Variants in CSMD1 observed in about 807,000 individuals in gnomAD.
The protein encoded by CSMD1 is CUB and sushi domain-containing protein 1.
In CSMD1, 213 loss-of-function variants were observed where a neutral mutation model predicts 417.5. The ratio of observed to expected loss-of-function variants is 0.51; its 90% CI spans 0.46 to 0.57. The LOEUF (loss-of-function observed/expected upper bound fraction) is 0.57, where lower values mean the gene tolerates loss of function less well. Ranked by LOEUF, CSMD1 falls within the 20% of genes least tolerant of loss-of-function variation. CSMD1 has a pLI of 0.00. For missense variants in CSMD1, 6,923 were observed against 4,529.7 expected (o/e 1.53, Z -15.17); for synonymous variants, 2,862 against 1,736.8 (o/e 1.65, Z -16.11).
chr8:3,301,552 G>C lies in CSMD1; in HGVS notation c.3950+6143C>G, dbSNP rs183507015. Among the ~76,000 whole-genome samples the C allele has an allele frequency of 6.6e-5, 10 of 152,264 alleles. No homozygotes were observed. The East Asian group carries it at 1.4e-3, about 21-fold the overall frequency. ...ATTTTTGCTGAGCCCTAAGAGATGG[G>C]AAGAAACTGGAGGTGAGTCAATGAG... On this transcript the variant is annotated intron_variant, in intron 25 of 69. Coordinates refer to ENST00000635120, the MANE Select transcript of CSMD1 (RefSeq NM_033225.6).
At chr8:3,949,844 G>A (rs1441872204) in intron 5 of CSMD1, 4 of 450,864 alleles carry the variant, frequency 8.9e-6, no homozygotes, top group Non-Finnish European at 1.8e-5. Context: ...ATTGATTGAG[G>A]GGATCCCTGG....
chr8:3,978,929 T>C (rs1813645005), intron 5 of CSMD1, among the ~76,000 whole-genome samples: 1 of 152,190 alleles, frequency 6.6e-6, no homozygotes, highest in Non-Finnish European at 1.5e-5. Flanking sequence ...CTAATGTGCA[T>C]TTCATTGCCA....
chr8:4,883,460 T>C (rs186661079), intron 1 of CSMD1, among the ~76,000 whole-genome samples: 37 of 152,214 alleles, frequency 2.4e-4, no homozygotes, highest in Middle Eastern at 3.4e-3. Flanking sequence ...CAAAAAGAAA[T>C]ACCCATGACC....
rs139412337 is a variant in CSMD1, at chr8:3,575,297, C to G, written c.1223-231G>C. ...TGTTACGCTGGGACACTTCATTTTT[C>G]CCAAAGGCCTATCCACTCACCAAAG... On this transcript the variant is annotated intron_variant, in intron 9 of 69. Coordinates refer to ENST00000635120, the MANE Select transcript of CSMD1 (RefSeq NM_033225.6). 1.5e-4 allele frequency among the ~76,000 whole-genome samples: 23 copies of G among 152,192 alleles called. No individual in the cohort carries two copies. In the East Asian group the frequency reaches 4.4e-3, roughly 29 times the overall value.
chr8:4,476,305 C>T (rs751355724), intron 2 of CSMD1, among the ~76,000 whole-genome samples: 1 of 152,032 alleles, frequency 6.6e-6, no homozygotes, highest in South Asian at 2.1e-4. Context: ...TGTATCTATT[C>T]TAACACGAAA....
rs1365196484 is a variant in CSMD1, at chr8:3,086,764, TTAA to T, written c.7474+330_7474+332del. Among the ~76,000 whole-genome samples the T allele has an allele frequency of 1.1e-4, 17 of 152,294 alleles. 1 individual carries two copies. Among genetic ancestry groups the T allele is most frequent in the Admixed American group, 7.8e-4 (12 of 15,290 alleles). On this transcript the variant is annotated intron_variant, in intron 49 of 69. Coordinates refer to ENST00000635120, the MANE Select transcript of CSMD1 (RefSeq NM_033225.6). ...ATAAAGAAAATGAGTTTTCCAGAAA[TTAA>T]TGTTTTTAAATTAATACAATGGTAA... is the stretch of plus-strand genomic sequence containing the variant.
At chr8:3,034,076 C>T (rs1452910991) in intron 50 of CSMD1, among the ~76,000 whole-genome samples, 1 of 152,230 alleles carries the variant, frequency 6.6e-6, no homozygotes, top group East Asian at 1.9e-4. Context: ...GCCCACATTG[C>T]TGGGTGGAGC....
chr8:4,904,969 A>T (rs77507803), intron 1 of CSMD1, among the ~76,000 whole-genome samples: 1,576 of 152,286 alleles, frequency 0.01, 21 homozygotes, highest in African/African-American at 0.035. Context: ...CGCCGCTTCA[A>T]CCAACATAGT....
In CSMD1 at chr8:3,289,570, T is replaced by C. The variant is rs1470406093; in HGVS notation, c.3951-5224A>G. 8.9e-5 allele frequency among the ~76,000 whole-genome samples: 9 copies of C among 101,322 alleles called. 1 individual carries two copies. The highest frequency in any genetic ancestry group is 1.3e-4 in the African/African-American group (4 of 29,964). 66.5% of individuals were successfully genotyped at this position (101,322 alleles called of 152,430 possible). A position where few individuals can be genotyped will look rare whatever the true frequency, so the allele number is the denominator to read the frequency against. On this transcript the variant is annotated intron_variant, in intron 25 of 69. Coordinates refer to ENST00000635120, the MANE Select transcript of CSMD1 (RefSeq NM_033225.6). ...GTGGTTTTGATTTGCATTTCTCTGATGGCCGGTGATGATGAGCATTTTTTC... is the reference window on the plus strand; with the variant it reads ...GTGGTTTTGATTTGCATTTCTCTGACGGCCGGTGATGATGAGCATTTTTTC...
chr8:3,538,210 C>G (rs983247456), intron 10 of CSMD1, among the ~76,000 whole-genome samples: 1 of 152,222 alleles, frequency 6.6e-6, no homozygotes, highest in Non-Finnish European at 1.5e-5. Context: ...CCCACTAGCA[C>G]CATCAGCTGG....
chr8:4,637,596 T>A, intron 1 of CSMD1, 38 bp from the exon 2 acceptor site: 1 of 1,331,270 alleles, frequency 7.5e-7, no homozygotes, highest in Non-Finnish European at 1.1e-6. Flanking sequence ...CATATTATTC[T>A]GGCCATCTTT....
chr8:4,293,468 T>C (rs1797488063), intron 3 of CSMD1, among the ~76,000 whole-genome samples: 1 of 152,248 alleles, frequency 6.6e-6, no homozygotes, highest in African/African-American at 2.4e-5. Context: ...TGAAAATTAT[T>C]ATTTATATAT....
At chr8:4,459,515 T>G (rs997420843) in intron 2 of CSMD1, among the ~76,000 whole-genome samples, 1 of 152,134 alleles carries the variant, frequency 6.6e-6, no homozygotes, top group African/African-American at 2.4e-5. Flanking sequence ...AAATGGAAAT[T>G]GTGAGGATAA....
chr8:4,791,935 G>A (rs981203911), intron 1 of CSMD1, among the ~76,000 whole-genome samples: 3 of 148,110 alleles, frequency 2.0e-5, no homozygotes, highest in Non-Finnish European at 3.0e-5. Flanking sequence ...GTTTCTTTAT[G>A]TTAGTTTTCC....
chr8:3,468,488 G>C (rs867773868), intron 12 of CSMD1, among the ~76,000 whole-genome samples: 1 of 152,070 alleles, frequency 6.6e-6, no homozygotes, highest in Non-Finnish European at 1.5e-5. Flanking sequence ...TCTTTATTTT[G>C]GGATAATCAG....
chr8:3,978,840 G>C (rs1436590991), intron 5 of CSMD1, among the ~76,000 whole-genome samples: 1 of 152,034 alleles, frequency 6.6e-6, no homozygotes, highest in African/African-American at 2.4e-5. Context: ...GTCTCCTCTT[G>C]ATCCCTTCCC....
chr8:4,271,919 T>C (rs559129706), intron 3 of CSMD1, among the ~76,000 whole-genome samples: 6 of 152,260 alleles, frequency 3.9e-5, no homozygotes, highest in East Asian at 1.9e-4. Flanking sequence ...AGGATCCCCA[T>C]ACATAGCAAA....
At chr8:4,694,712 G>A (rs1807004377) in intron 1 of CSMD1, among the ~76,000 whole-genome samples, 1 of 152,040 alleles carries the variant, frequency 6.6e-6, no homozygotes, top group Non-Finnish European at 1.5e-5. Flanking sequence ...TCCCTACAAT[G>A]TGTAACGTCA....
chr8:4,984,619 C>T (rs1281487794), intron 1 of CSMD1, among the ~76,000 whole-genome samples: 1 of 152,114 alleles, frequency 6.6e-6, no homozygotes, highest in Non-Finnish European at 1.5e-5. Context: ...CATTATTTGA[C>T]ATAGATTAGG....
Sources: gnomAD v4.1 joint callset for allele counts (sites outside exome capture counted in the v4.1 genomes callset) on GRCh38, gnomAD v4.1.1 for gene constraint, MANE v1.5 for transcripts, NCBI Gene and HGNC (gene_info 2026-07-23, HGNC 2026-07-21) for gene names.